The following INVS variants were observed in gnomAD, a reference collection of about 807,000 sequenced individuals.
The protein encoded by INVS is inversion of embryo turning homolog.
Under a neutral mutation model 108.8 loss-of-function variants are expected in INVS, and 86 were observed. That is an observed-to-expected ratio of 0.79 (90% CI 0.66 to 0.95). The LOEUF (loss-of-function observed/expected upper bound fraction) is 0.95, where lower values mean the gene tolerates loss of function less well. INVS is among the 40% of genes least tolerant of loss of function. The pLI is 0.00. For synonymous variants in INVS, 455 were observed against 473.5 expected (o/e 0.96, Z 0.51); for missense variants, 1,169 against 1,297.4 (o/e 0.90, Z 1.52).
intron 3 of INVS, among the ~76,000 whole-genome samples, chr9:100,160,146 G>C (rs1191158593): frequency 6.6e-6 from 1 of 152,202 alleles, no homozygotes; most frequent in East Asian, 1.9e-4. Context: ...AGCTCATTCA[G>C]CAAGCATATT....
intron 8 of INVS, among the ~76,000 whole-genome samples, chr9:100,249,251 A>G (rs1408049676): frequency 6.6e-6 from 1 of 152,144 alleles, no homozygotes; most frequent in East Asian, 1.9e-4. Context: ...TATTTCAGGT[A>G]CCTCTATAGA....
intron 5 of INVS, among the ~76,000 whole-genome samples, chr9:100,238,060 G>A (rs1456027970): frequency 1.3e-5 from 2 of 151,972 alleles, no homozygotes; most frequent in Non-Finnish European, 2.9e-5. Context: ...TATATTTTTA[G>A]TAGAGACGGG....
chr9:100,127,197 A>AAATT (rs1203536630), intron 3 of INVS, among the ~76,000 whole-genome samples: 3 of 152,050 alleles, frequency 2.0e-5, no homozygotes, highest in African/African-American at 4.8e-5. Flanking sequence ...CCCTGTCTCT[A>AAATT]AATTAATTAA....
At chr9:100,198,638 G>A (rs1350981265) in intron 3 of INVS, among the ~76,000 whole-genome samples, 1 of 151,240 alleles carries the variant, frequency 6.6e-6, no homozygotes, top group African/African-American at 2.4e-5. Flanking sequence ...CTGTCGCCAG[G>A]CTGGAGTGCA....
intron 12 of INVS, among the ~76,000 whole-genome samples, chr9:100,276,192 C>T (rs1010176124): frequency 4.6e-5 from 7 of 152,078 alleles, no homozygotes; most frequent in African/African-American, 1.7e-4. Context: ...TGTAGATAGC[C>T]CCCTAATCTG....
At chr9:100,291,843 A>G (rs144067519) in intron 13 of INVS, among the ~76,000 whole-genome samples, 72 of 152,300 alleles carry the variant, frequency 4.7e-4, no homozygotes, top group African/African-American at 1.7e-3. Context: ...TCCAAAAGGT[A>G]TATCCCTTCA....
At chr9:100,208,095 G>A (rs1450748110) in intron 3 of INVS, among the ~76,000 whole-genome samples, 1 of 152,198 alleles carries the variant, frequency 6.6e-6, no homozygotes, top group African/African-American at 2.4e-5. Context: ...CCAAGCTGTA[G>A]CATTATGCTT....
At chr9:100,282,334 G>A (rs1158100585) in intron 12 of INVS, among the ~76,000 whole-genome samples, 1 of 152,056 alleles carries the variant, frequency 6.6e-6, no homozygotes, top group Non-Finnish European at 1.5e-5. Context: ...TGGCAAAGAT[G>A]TCACAAAACC....
chr9:100,158,509 A>G (rs896283960), intron 3 of INVS, among the ~76,000 whole-genome samples: 1 of 152,202 alleles, frequency 6.6e-6, no homozygotes, highest in African/African-American at 2.4e-5. Context: ...GAAAATGAGA[A>G]TAATAATGAT....
rs369271547 is a variant in INVS, at chr9:100,226,205, A to G, written c.417A>G (p.Pro139=). ...CACTTCTGCTGAAGTTTATGGCACC[A>G]GGAGAAGTGGATACACAGGATAAAA... ...CLALLLKFMA[P]GEVDTQDKNK... Residue 139 remains proline (P), a synonymous_variant, in exon 4 of 17, where the codon CCA becomes CCG. Transcript: ENST00000262457. The G allele has an allele frequency of 6.2e-7, 1 of 1,613,978 alleles. No homozygotes were observed.
At chr9:100,109,614 G>A (rs966250798) in intron 2 of INVS, among the ~76,000 whole-genome samples, 1 of 152,172 alleles carries the variant, frequency 6.6e-6, no homozygotes, top group Non-Finnish European at 1.5e-5. Context: ...TTGTTTCACT[G>A]TCCATGTTCT....
chr9:100,221,382 A>G (rs1831146257), intron 3 of INVS, among the ~76,000 whole-genome samples: 1 of 150,910 alleles, frequency 6.6e-6, no homozygotes, highest in African/African-American at 2.4e-5. Context: ...GGCTTACTGC[A>G]GTTTTGACCT....
At chr9:100,117,188 G>A in intron 2 of INVS, 1 of 1,078,236 alleles carries the variant, frequency 9.3e-7, no homozygotes, top group Non-Finnish European at 1.4e-6. Flanking sequence ...ACGGATGGTG[G>A]TGGCCACTTC....
At chr9:100,198,261 A>T in intron 3 of INVS, among the ~76,000 whole-genome samples, 1 of 101,280 alleles carries the variant, frequency 9.9e-6, no homozygotes. Context: ...ATTGAGGGCT[A>T]GAATTTTTTT....
intron 3 of INVS, among the ~76,000 whole-genome samples, chr9:100,173,093 G>A (rs567514637): frequency 1.2e-4 from 19 of 152,292 alleles, no homozygotes; most frequent in African/African-American, 4.6e-4. Flanking sequence ...GATTGATACA[G>A]CAGTACTCAA....
At chr9:100,230,050 C>T (rs996521178) in intron 5 of INVS, among the ~76,000 whole-genome samples, 1 of 152,102 alleles carries the variant, frequency 6.6e-6, no homozygotes. Flanking sequence ...ATTCATTCCC[C>T]CTACGCCGTG....
At chr9:100,169,426 C>G (rs1444178492) in intron 3 of INVS, among the ~76,000 whole-genome samples, 1 of 152,126 alleles carries the variant, frequency 6.6e-6, no homozygotes, top group Non-Finnish European at 1.5e-5. Context: ...AGCTCGTTCT[C>G]TAATCTATGG....
At chr9:100,100,415 A>C (rs1376170172) in intron 1 of INVS, among the ~76,000 whole-genome samples, 2 of 149,918 alleles carry the variant, frequency 1.3e-5, no homozygotes, top group Non-Finnish European at 2.9e-5. Flanking sequence ...AGAGACTTGT[A>C]AGTATGAACT....
At chr9:100,180,852 C>T (rs975191182) in intron 3 of INVS, among the ~76,000 whole-genome samples, 1 of 152,158 alleles carries the variant, frequency 6.6e-6, no homozygotes, top group Non-Finnish European at 1.5e-5. Context: ...GCCAATATCC[C>T]TGATGAACAT....
Sources: allele counts gnomAD v4.1 joint callset (sites outside exome capture counted in the v4.1 genomes callset), GRCh38; gene constraint gnomAD v4.1.1; transcripts MANE v1.5; gene names NCBI Gene and HGNC (gene_info 2026-07-23, HGNC 2026-07-21).